Variants in DGKB observed in about 807,000 individuals in gnomAD.
DGKB encodes 90 kDa diacylglycerol kinase.
Under a neutral mutation model 114.3 loss-of-function variants are expected in DGKB, and 67 were observed. The ratio of observed to expected loss-of-function variants is 0.59; its 90% CI spans 0.48 to 0.72. The LOEUF (loss-of-function observed/expected upper bound fraction) is 0.72. Among genes scored for constraint, DGKB ranks in the 30% least tolerant of loss-of-function variants. DGKB has a pLI of 0.00. For missense variants in DGKB, 907 were observed against 975.2 expected (o/e 0.93, Z 0.93); for synonymous variants, 398 against 323.1 (o/e 1.23, Z -2.49).
At chr7:14,307,788 A>G (rs188618534) in intron 23 of DGKB, among the ~76,000 whole-genome samples, 76 of 152,268 alleles carry the variant, frequency 5.0e-4, no homozygotes, top group South Asian at 1.2e-3. Flanking sequence ...TTTTTCTTTT[A>G]GAATCATAAT....
intron 13 of DGKB, among the ~76,000 whole-genome samples, chr7:14,657,702 T>C (rs1816144602): frequency 6.6e-6 from 1 of 151,856 alleles, no homozygotes; most frequent in South Asian, 2.1e-4. Context: ...TGTTCACACC[T>C]CCCCACCAGA....
At chr7:14,484,447 G>A (rs1364159903) in intron 20 of DGKB, among the ~76,000 whole-genome samples, 2 of 152,264 alleles carry the variant, frequency 1.3e-5, no homozygotes, top group East Asian at 3.9e-4. Context: ...TCTCCTTGGT[G>A]TTGCCACAAT....
intron 21 of DGKB, among the ~76,000 whole-genome samples, chr7:14,360,086 G>A (rs1019605665): frequency 6.6e-6 from 1 of 152,062 alleles, no homozygotes; most frequent in Non-Finnish European, 1.5e-5. Context: ...GTGATAGACT[G>A]GATTAAGAAA....
intron 25 of DGKB, among the ~76,000 whole-genome samples, chr7:14,155,336 A>G (rs1427351964): frequency 6.6e-6 from 1 of 152,102 alleles, no homozygotes; most frequent in Non-Finnish European, 1.5e-5. Flanking sequence ...ATACATATGT[A>G]TTTTTAAACC....
intron 21 of DGKB, among the ~76,000 whole-genome samples, chr7:14,447,240 T>A (rs1830848785): frequency 6.6e-6 from 1 of 151,820 alleles, no homozygotes; most frequent in Admixed American, 6.6e-5. Flanking sequence ...ACTCAGCCCC[T>A]TACTGGCAGC....
chr7:14,618,465 A>G (rs950770383), intron 15 of DGKB, among the ~76,000 whole-genome samples: 36 of 151,818 alleles, frequency 2.4e-4, no homozygotes, highest in African/African-American at 8.7e-4. Flanking sequence ...AGGTAACTTC[A>G]ACATAAACAC....
chr7:14,697,845 G>C (rs937265255), intron 8 of DGKB, among the ~76,000 whole-genome samples: 1 of 142,748 alleles, frequency 7.0e-6, no homozygotes, highest in Non-Finnish European at 1.5e-5. Context: ...GGAAGGAAGG[G>C]AGAGAGAGAA....
intron 20 of DGKB, among the ~76,000 whole-genome samples, chr7:14,527,920 T>C (rs546197034): frequency 1.3e-5 from 2 of 152,070 alleles, no homozygotes; most frequent in African/African-American, 4.8e-5. Flanking sequence ...TGCCGAGTAC[T>C]GGCACTAAAA....
intron 21 of DGKB, among the ~76,000 whole-genome samples, chr7:14,361,154 C>A (rs547276855): frequency 1.3e-5 from 2 of 151,974 alleles, no homozygotes; most frequent in Non-Finnish European, 1.5e-5. Context: ...TTTCTTCACA[C>A]ATCAGCAGTC....
At chr7:14,638,656 A>G (rs1369069677) in intron 13 of DGKB, among the ~76,000 whole-genome samples, 1 of 152,170 alleles carries the variant, frequency 6.6e-6, no homozygotes, top group African/African-American at 2.4e-5. Flanking sequence ...GTCAATGAGC[A>G]TAAGGGACAG....
chr7:14,757,772 T>G, intron 2 of DGKB, 41 bp from the exon 3 acceptor site: 1 of 1,163,362 alleles, frequency 8.6e-7, no homozygotes, highest in Non-Finnish European at 1.3e-6. Flanking sequence ...TATATGCACA[T>G]ACTGTGGTTG....
chr7:14,697,550 C>T (rs556554524), intron 8 of DGKB, among the ~76,000 whole-genome samples: 1 of 151,796 alleles, frequency 6.6e-6, no homozygotes, highest in Non-Finnish European at 1.5e-5. Flanking sequence ...CCACATATAC[C>T]TTGTTATCTT....
intron 1 of DGKB, among the ~76,000 whole-genome samples, chr7:14,900,140 G>C (rs1186395034): frequency 2.6e-5 from 4 of 152,116 alleles, no homozygotes; most frequent in Non-Finnish European, 4.4e-5. Context: ...AAGCACATGA[G>C]AAAATAATCC....
chr7:14,729,409 A>G (rs973729213), intron 5 of DGKB, among the ~76,000 whole-genome samples: 3 of 152,218 alleles, frequency 2.0e-5, no homozygotes, highest in Non-Finnish European at 4.4e-5. Context: ...GGCACGAGCC[A>G]TCATTTTGCT....
intron 20 of DGKB, among the ~76,000 whole-genome samples, chr7:14,495,585 C>T (rs957011675): frequency 6.6e-6 from 1 of 151,640 alleles, no homozygotes; most frequent in African/African-American, 2.4e-5. Flanking sequence ...GATAATGAAA[C>T]CCTTCATTTA....
At chr7:14,974,128 C>T (rs1052014315) in intron 1 of DGKB, among the ~76,000 whole-genome samples, 2 of 151,796 alleles carry the variant, frequency 1.3e-5, no homozygotes, top group African/African-American at 4.8e-5. Context: ...CACCAAATGT[C>T]AGAATACTGA....
At chr7:14,168,599 A>G (rs1784941638) in intron 25 of DGKB, among the ~76,000 whole-genome samples, 1 of 152,270 alleles carries the variant, frequency 6.6e-6, no homozygotes, top group Admixed American at 6.5e-5. Flanking sequence ...CAAAGCAATG[A>G]TTCAAACGAC....
At chr7:14,922,282 G>C (rs1260197691) in intron 1 of DGKB, among the ~76,000 whole-genome samples, 2 of 151,904 alleles carry the variant, frequency 1.3e-5, no homozygotes, top group African/African-American at 2.4e-5. Flanking sequence ...AGATTCCAGG[G>C]ATGGGGTGCC....
intron 23 of DGKB, among the ~76,000 whole-genome samples, chr7:14,265,092 A>G (rs1797294857): frequency 6.6e-6 from 1 of 151,672 alleles, no homozygotes; most frequent in African/African-American, 2.4e-5. Context: ...CGCCCCACCC[A>G]AATTTATGCA....
Sources: allele counts gnomAD v4.1 joint callset (sites outside exome capture counted in the v4.1 genomes callset), GRCh38; gene constraint gnomAD v4.1.1; transcripts MANE v1.5; gene names NCBI Gene and HGNC (gene_info 2026-07-23, HGNC 2026-07-21).